The following SLC12A8 variants were observed in gnomAD, a reference collection of about 807,000 sequenced individuals.
SLC12A8 encodes cation-chloride cotransporter 9.
A neutral mutation model predicts 75.6 loss-of-function variants in SLC12A8; 69 were observed. The ratio of observed to expected loss-of-function variants is 0.91; its 90% CI spans 0.75 to 1.11. The LOEUF (loss-of-function observed/expected upper bound fraction) is 1.11, where lower values mean the gene tolerates loss of function less well. Among genes scored for constraint, SLC12A8 ranks in the 50% most tolerant of loss-of-function variants. The pLI, the probability that SLC12A8 is intolerant of heterozygous loss-of-function variation, is 0.00. For synonymous variants in SLC12A8, 365 were observed against 372.8 expected, an observed-to-expected ratio of 0.98 and a Z score of 0.24; for missense variants, 877 against 896.7, an observed-to-expected ratio of 0.98 and a Z score of 0.28.
chr3:125,120,738 C>A lies in SLC12A8; in HGVS notation c.737-52G>T, dbSNP rs1230641273. 7 of 1,399,100 alleles carry A rather than the reference C, an allele frequency of 5.0e-6. No homozygotes were observed. The South Asian group carries it at 8.4e-5, about 17-fold the overall frequency. The allele number at this position is 1,399,100 out of a possible 1,614,324, so 86.7% of individuals were successfully genotyped here. A position where few individuals can be genotyped will look rare whatever the true frequency, so the allele number is the denominator to read the frequency against. The stretch of plus-strand genomic sequence containing the variant: ...GGTGAGCAGCCTCCTCCACGCATCG[C>A]CTTCCCCAGGGCTGCCCCTTCCTCT... On this transcript the variant is annotated intron_variant, in intron 6 of 13. Transcript: ENST00000469902.
At chr3:125,146,896 A>T (rs1933787642) in intron 5 of SLC12A8, among the ~76,000 whole-genome samples, 1 of 152,220 alleles carries the variant, frequency 6.6e-6, no homozygotes, top group Non-Finnish European at 1.5e-5. Context: ...CTCCACGAGA[A>T]GCAGGGCGGG....
At chr3:125,084,488 A>AGTGATT (rs1251763201) in intron 13 of SLC12A8, among the ~76,000 whole-genome samples, 2 of 152,182 alleles carry the variant, frequency 1.3e-5, no homozygotes, top group African/African-American at 4.8e-5. Flanking sequence ...TTGAATAAGG[A>AGTGATT]GTGATTTCAA....
Position 125,120,599 on chromosome 3 carries a change from G to A in SLC12A8, c.824C>T (p.Ser275Leu). 1.9e-6 allele frequency: 3 copies of A among 1,611,580 alleles called. No homozygotes were observed. The highest frequency in any genetic ancestry group is 2.5e-6 in the Non-Finnish European group (3 of 1,178,164). ...PLGSLAAVGI[S>L]WFLYIIFVFL... Reference sequence around the variant, plus strand: ...ACTGATTGCCATGAGGGGAACTTACGAGATGCCAACAGCTGCCAGGGAGCC... The same window carrying A: ...ACTGATTGCCATGAGGGGAACTTACAAGATGCCAACAGCTGCCAGGGAGCC... The change falls in exon 7 of 14, where the codon TCG (serine) becomes TTG (leucine). Residue 275 changes from serine to leucine, a missense_variant and splice_region_variant. Transcript: ENST00000469902.
At chr3:125,148,163 C>A (rs1933831014) in intron 5 of SLC12A8, among the ~76,000 whole-genome samples, 1 of 152,164 alleles carries the variant, frequency 6.6e-6, no homozygotes, top group Non-Finnish European at 1.5e-5. Flanking sequence ...ATATGTGATG[C>A]AATCTTTCAC....
intron 10 of SLC12A8, among the ~76,000 whole-genome samples, chr3:125,096,643 A>T (rs1341875683): frequency 6.6e-6 from 1 of 152,190 alleles, no homozygotes; most frequent in Non-Finnish European, 1.5e-5. Context: ...TATATTCTAA[A>T]TGCCAACTCT....
intron 5 of SLC12A8, among the ~76,000 whole-genome samples, chr3:125,163,598 C>CAAA (rs11381972): frequency 2.1e-5 from 3 of 140,560 alleles, no homozygotes; most frequent in East Asian, 2.1e-4. Context: ...GACTCTGTCT[C>CAAA]AAAAAAAAAA....
Position 125,084,047 on chromosome 3 carries a change from A to G in SLC12A8, c.1988T>C (p.Leu663Ser). Residue 663 changes from leucine to serine, a missense_variant, in exon 14 of 14, where the codon TTG becomes TCG. Physicochemically the swap from Leu to Ser is moderately radical, Grantham distance 145. Coordinates refer to ENST00000469902, the MANE Select transcript of SLC12A8 (RefSeq NM_024628.6). ...GATGATCTGCTCCTGAGGGGACCGC[A>G]AGCTCCTGCAGTGAGAGAGACACAG... ...RSLLLPSCRSLRSPQEQIILA... is the reference protein window; with the variant it reads ...RSLLLPSCRSSRSPQEQIILA... 6.2e-7 allele frequency: 1 copy of G among 1,610,350 alleles called. No homozygotes were observed. The highest frequency in any genetic ancestry group is 8.5e-7 in the Non-Finnish European group (1 of 1,178,380).
intron 2 of SLC12A8, among the ~76,000 whole-genome samples, chr3:125,200,736 A>G (rs1422025619): frequency 6.6e-6 from 1 of 152,188 alleles, no homozygotes; most frequent in African/African-American, 2.4e-5. Flanking sequence ...CTAAGTTTTT[A>G]AATTTGTTTT....
Position 125,118,870 on chromosome 3 carries a change from G to A in SLC12A8, c.825-14C>T. ...TACAGAAACCACCTGCAAAACCCAA[G>A]AGCAGAACAGAGCTGCCCCCGACTC... On this transcript the variant is annotated splice_polypyrimidine_tract_variant and intron_variant, in intron 7 of 13. Transcript: ENST00000469902. 6.4e-7 allele frequency: 1 copy of A among 1,569,482 alleles called. No individual in the cohort carries two copies. Among genetic ancestry groups the A allele is most frequent in the Non-Finnish European group, 8.8e-7 (1 of 1,139,998 alleles).
At chr3:125,184,834 T>C (rs1369667983) in intron 4 of SLC12A8, among the ~76,000 whole-genome samples, 1 of 151,084 alleles carries the variant, frequency 6.6e-6, no homozygotes, top group Non-Finnish European at 1.5e-5. Flanking sequence ...ATAGAGAAAA[T>C]CACCAAAACC....
intron 2 of SLC12A8, among the ~76,000 whole-genome samples, chr3:125,197,349 TG>T (rs1935028005): frequency 6.6e-6 from 1 of 152,150 alleles, no homozygotes; most frequent in South Asian, 2.1e-4. Context: ...TGGAGTACAG[TG>T]GCATGATCAC....
intron 4 of SLC12A8, among the ~76,000 whole-genome samples, chr3:125,182,663 C>G (rs1934690628): frequency 9.7e-6 from 1 of 102,608 alleles, no homozygotes; most frequent in African/African-American, 3.2e-5. Flanking sequence ...TGCATCACCA[C>G]GCCTGGTTAA....
In SLC12A8 at chr3:125,083,968, C is replaced by T. The variant is rs370088988; in HGVS notation, c.2067G>A (p.Glu689=). 70 of 1,613,562 alleles carry T rather than the reference C, an allele frequency of 4.3e-5. No homozygotes were observed. The highest frequency in any genetic ancestry group is 5.8e-5 in the Non-Finnish European group (68 of 1,179,914). The part of the protein sequence containing the change: ...VDMEMTQLTQ[E]NADFATRDRY... Reference sequence around the variant, plus strand: ...GATCCCGAGTGGCGAAGTCTGCATTCTCCTGGGTGAGCTGAGTCATCTCCA... The same window carrying T: ...GATCCCGAGTGGCGAAGTCTGCATTTTCCTGGGTGAGCTGAGTCATCTCCA... The change falls in exon 14 of 14, where the codon GAG becomes GAA. Residue 689 remains glutamate, a synonymous_variant. Transcript: ENST00000469902.
In SLC12A8 at chr3:125,084,188, G is replaced by C. The variant is rs3732502; in HGVS notation, c.1983-136C>G. On this transcript the variant is annotated intron_variant, in intron 13 of 13. Transcript: ENST00000469902. ...ATGTTTAAAACATAATTCTTGAAAG[G>C]TATATGTACAGGTATATATGAACTC... is the stretch of plus-strand genomic sequence containing the variant. 8 of 691,140 alleles carry C rather than the reference G, an allele frequency of 1.2e-5. No individual in the cohort carries two copies. In the South Asian group the frequency reaches 1.5e-4, roughly 13 times the overall value. The allele number at this position is 691,140 out of a possible 1,614,324, so 42.8% of individuals were successfully genotyped here.
At position 125,110,397 on chromosome 3, in the gene SLC12A8, C is replaced by A. The variant is rs567539615; in HGVS notation, c.913-62G>T. Reference sequence around the variant, plus strand: ...CCTGCTCCTGTGCCTTTCTACCCCCCCAGCACCCACCCACCTGCACCCCAT... The same window carrying A: ...CCTGCTCCTGTGCCTTTCTACCCCCACAGCACCCACCCACCTGCACCCCAT... On this transcript the variant is annotated intron_variant, in intron 8 of 13. Transcript: ENST00000469902. 1.4e-3 allele frequency: 2,142 copies of A among 1,540,792 alleles called. 22 individuals carry two copies. Among genetic ancestry groups the A allele is most frequent in the South Asian group, 0.011 (875 of 82,492 alleles).
At chr3:125,122,523 G>GGAACATA (rs1175196585) in intron 6 of SLC12A8, among the ~76,000 whole-genome samples, 1 of 152,240 alleles carries the variant, frequency 6.6e-6, no homozygotes, top group Admixed American at 6.5e-5. Context: ...ATGAATGTCT[G>GGAACATA]GAACATAGAA....
chr3:125,190,839 T>A (rs193274223), intron 2 of SLC12A8, among the ~76,000 whole-genome samples: 2 of 152,236 alleles, frequency 1.3e-5, no homozygotes, highest in East Asian at 3.9e-4. Flanking sequence ...AGTCAGGGAG[T>A]CAGGTAGACT....
chr3:125,178,055 C>A (rs1247984493), intron 4 of SLC12A8, 81 bp from the exon 5 acceptor site: 1 of 1,152,492 alleles, frequency 8.7e-7, no homozygotes, highest in South Asian at 1.3e-5. Flanking sequence ...CGCTGAGAAC[C>A]CTGCACCCCC....
chr3:125,197,537 C>T (rs1935030475), intron 2 of SLC12A8, among the ~76,000 whole-genome samples: 1 of 152,202 alleles, frequency 6.6e-6, no homozygotes. Flanking sequence ...AGTGATCCTC[C>T]TGTCTCAGCC....
Sources: gnomAD v4.1 joint callset for allele counts (sites outside exome capture counted in the v4.1 genomes callset) on GRCh38, gnomAD v4.1.1 for gene constraint, MANE v1.5 for transcripts, NCBI Gene and HGNC (gene_info 2026-07-23, HGNC 2026-07-21) for gene names.